Variants in CIZ1 observed in about 807,000 individuals in gnomAD.
CIZ1 encodes CDKN1A interacting zinc finger protein 1.
A neutral mutation model predicts 118.6 loss-of-function variants in CIZ1; 58 were observed. That is an observed-to-expected ratio of 0.49 (90% CI 0.40 to 0.61). The LOEUF (loss-of-function observed/expected upper bound fraction) is 0.61. CIZ1 is among the 20% of genes least tolerant of loss of function. The probability of loss-of-function intolerance (pLI) is 0.00; values close to 1 mark genes in which losing one functional copy is unlikely to be tolerated. For synonymous variants in CIZ1, 448 were observed against 443.4 expected, an observed-to-expected ratio of 1.01 and a Z score of -0.13; for missense variants, 921 against 1,115.9, an observed-to-expected ratio of 0.83 and a Z score of 2.49.
At chr9:128,202,684 C>A (rs959823169) in intron 1 of CIZ1, 1 of 152,228 alleles carries the variant, frequency 6.6e-6, no homozygotes, top group African/African-American at 2.4e-5. Context: ...CACAAAGATA[C>A]CTTTTTTCAC....
chr9:128,183,540 G>A (rs1441991710), intron 5 of CIZ1, among the ~76,000 whole-genome samples: 1 of 152,262 alleles, frequency 6.6e-6, no homozygotes, highest in Non-Finnish European at 1.5e-5. Flanking sequence ...GAAGCAGGGT[G>A]TGAGCAGGAG....
At chr9:128,188,664 C>T (rs941079335) in intron 3 of CIZ1, among the ~76,000 whole-genome samples, 2 of 151,728 alleles carry the variant, frequency 1.3e-5, no homozygotes, top group Non-Finnish European at 2.9e-5. Context: ...GAAAGGGTCT[C>T]GCTCTGTCAC....
intron 12 of CIZ1, 105 bp from the exon 13 acceptor site, chr9:128,169,624 A>G (rs1829885701): frequency 1.3e-6 from 2 of 1,558,300 alleles, no homozygotes; most frequent in Non-Finnish European, 1.7e-6. Context: ...CAGGCCCACC[A>G]TATCTGTAAC....
intron 11 of CIZ1, among the ~76,000 whole-genome samples, chr9:128,175,837 C>A (rs902653106): frequency 2.1e-4 from 32 of 152,170 alleles, no homozygotes; most frequent in African/African-American, 6.3e-4. Flanking sequence ...CCAGCCCTTG[C>A]ACACCTCTAT....
intron 1 of CIZ1, among the ~76,000 whole-genome samples, chr9:128,199,322 C>G (rs1833453397): frequency 1.3e-5 from 2 of 151,762 alleles, no homozygotes; most frequent in Middle Eastern, 3.2e-3. Flanking sequence ...AAGCAGAGAT[C>G]ATGCCACTGC....
intron 10 of CIZ1, among the ~76,000 whole-genome samples, chr9:128,177,312 C>G (rs1436581135): frequency 1.3e-5 from 2 of 152,140 alleles, no homozygotes; most frequent in South Asian, 4.1e-4. Context: ...CTGCTTGAGC[C>G]CAAGAGGTAG....
At chr9:128,194,546 G>A (rs1402796380), upstream of CIZ1, among the ~76,000 whole-genome samples, 2 of 151,964 alleles carry the variant, frequency 1.3e-5, no homozygotes, top group Non-Finnish European at 2.9e-5. Context: ...GCTGGGCATG[G>A]TGGCTCACGC....
Position 128,170,158 on chromosome 9 carries a change from GCTGT to G in CIZ1, c.1944-55_1944-52del, listed in dbSNP as rs770005657. 4 of 1,508,548 alleles carry G rather than the reference GCTGT, an allele frequency of 2.7e-6. No individual in the cohort carries two copies. In the South Asian group the frequency reaches 3.4e-5, roughly 13 times the overall value. The allele number at this position is 1,508,548 out of a possible 1,614,324, so 93.4% of individuals were successfully genotyped here. Reference sequence around the variant, plus strand: ...ACAATGTGACGCCAGAAAGACAGCAGCTGTCTGAGAGCGCTCCATAAGTGTAATC... The same window carrying G: ...ACAATGTGACGCCAGAAAGACAGCAGCTGAGAGCGCTCCATAAGTGTAATC... On this transcript the variant is annotated intron_variant, in intron 11 of 16. Transcript: ENST00000372938.
chr9:128,172,588 T>C (rs934768549), intron 11 of CIZ1, among the ~76,000 whole-genome samples: 1 of 152,184 alleles, frequency 6.6e-6, no homozygotes, highest in Non-Finnish European at 1.5e-5. Context: ...AGGGGACACA[T>C]GTCCACTGAT....
At chr9:128,173,482 A>G (rs1830420347) in intron 11 of CIZ1, among the ~76,000 whole-genome samples, 1 of 151,358 alleles carries the variant, frequency 6.6e-6, no homozygotes, top group Non-Finnish European at 1.5e-5. Context: ...CACAGGTCTC[A>G]TGACGGGCTG....
intron 4 of CIZ1, among the ~76,000 whole-genome samples, 194 bp from the exon 5 acceptor site, chr9:128,185,970 GC>G (rs1184506152): frequency 3.3e-5 from 5 of 152,126 alleles, no homozygotes; most frequent in African/African-American, 1.2e-4. Context: ...GGTGAAGGAA[GC>G]TTTAGGGCTC....
chr9:128,168,780 T>C, intron 14 of CIZ1: 1 of 452,996 alleles, frequency 2.2e-6, no homozygotes, highest in South Asian at 2.2e-5. Flanking sequence ...CTACATAGTT[T>C]CCCACCTCCG....
chr9:128,182,131 T>G (rs1459587725), intron 5 of CIZ1, among the ~76,000 whole-genome samples: 1 of 152,154 alleles, frequency 6.6e-6, no homozygotes, highest in Non-Finnish European at 1.5e-5. Context: ...TACCTATCAT[T>G]GGAGGTGACT....
upstream of CIZ1, among the ~76,000 whole-genome samples, chr9:128,196,410 T>C (rs1470188616): frequency 2.6e-5 from 4 of 151,890 alleles, no homozygotes; most frequent in East Asian, 7.8e-4. Flanking sequence ...TAGCTGGGCA[T>C]GGTGGTGTGT....
rs1833148645 is a variant in CIZ1, at chr9:128,191,508, G to A, written c.-82C>T. On this transcript the variant is annotated 5_prime_UTR_variant, in exon 1 of 17. Coordinates refer to ENST00000372938, the MANE Select transcript of CIZ1 (RefSeq NM_001131016.2). This position sits in a 1 kb window ranked among gnomAD's most constrained non-coding sequence, Gnocchi z 5.5. ...GCCCCGCAGCCCCCACGCCTCGGCC[G>A]GGCGGCTCCGGCCCGCGGGCTCCCG... is the stretch of plus-strand genomic sequence containing the variant. The A allele has an allele frequency of 2.0e-6, 2 of 1,003,210 alleles. No homozygotes were observed. The highest frequency in any genetic ancestry group is 2.4e-6 in the Non-Finnish European group (2 of 841,512). 62.1% of individuals were successfully genotyped at this position (1,003,210 alleles called of 1,614,324 possible).
Position 128,169,344 on chromosome 9 carries a change from A to G in CIZ1, c.2145+62T>C, listed in dbSNP as rs532154397. On this transcript the variant is annotated intron_variant, in intron 13 of 16. Coordinates refer to ENST00000372938, the MANE Select transcript of CIZ1 (RefSeq NM_001131016.2). Reference sequence around the variant, plus strand: ...GCTGGGATAAACCTCAACTTGCTACACAGCCTTGGCCAAGGCTCTGTACCT... The same window carrying G: ...GCTGGGATAAACCTCAACTTGCTACGCAGCCTTGGCCAAGGCTCTGTACCT... 1.2e-5 allele frequency: 18 copies of G among 1,516,406 alleles called. No homozygotes were observed. In the East Asian group the frequency reaches 2.3e-4, roughly 19 times the overall value. The allele number at this position is 1,516,406 out of a possible 1,614,324, so 93.9% of individuals were successfully genotyped here.
chr9:128,188,342 GA>G, intron 3 of CIZ1, among the ~76,000 whole-genome samples: 2 of 152,054 alleles, frequency 1.3e-5, no homozygotes, highest in East Asian at 3.9e-4. Context: ...TCTGTGCCTA[GA>G]AAAAAAATGG....
intron 4 of CIZ1, among the ~76,000 whole-genome samples, chr9:128,186,561 G>A (rs561004889): frequency 4.6e-5 from 7 of 152,238 alleles, no homozygotes; most frequent in South Asian, 2.1e-4. Context: ...AGCAAACAGC[G>A]ATCTTTCGCA....
chr9:128,166,626 C>G lies in CIZ1; in HGVS notation c.2487+133G>C. ...AACCCCACCCCAGCTCTAATTCTCT[C>G]CCTGTTGGTGCAGGGGTGGTGCCTG... is the stretch of plus-strand genomic sequence containing the variant. On this transcript the variant is annotated intron_variant, in intron 16 of 16. Coordinates refer to ENST00000372938, the MANE Select transcript of CIZ1 (RefSeq NM_001131016.2). The surrounding 1 kb of genome is among the most constrained non-coding windows in gnomAD (Gnocchi z 4.4). 3.3e-6 allele frequency: 4 copies of G among 1,222,194 alleles called. No homozygotes were observed. The highest frequency in any genetic ancestry group is 4.7e-6 in the Non-Finnish European group (4 of 850,814). 75.7% of individuals were successfully genotyped at this position (1,222,194 alleles called of 1,614,324 possible).
Sources: allele counts gnomAD v4.1 joint callset (sites outside exome capture counted in the v4.1 genomes callset), GRCh38; gene constraint gnomAD v4.1.1; non-coding constraint Gnocchi (gnomAD v3.1); transcripts MANE v1.5; gene names NCBI Gene and HGNC (gene_info 2026-07-23, HGNC 2026-07-21).